The following DLGAP1 variants were observed in gnomAD, a reference collection of about 807,000 sequenced individuals.
DLGAP1 encodes DLG associated protein 1, also known as disks large-associated protein 1.
Under a neutral mutation model 90.8 loss-of-function variants are expected in DLGAP1, and 11 were observed. The observed-to-expected ratio is 0.12, with a 90% CI of 0.08 to 0.20. The LOEUF is 0.20. DLGAP1 is among the 10% of genes least tolerant of loss of function. The pLI, the probability that DLGAP1 is intolerant of heterozygous loss-of-function variation, is 1.00. For synonymous variants in DLGAP1, 558 were observed against 540.7 expected, an observed-to-expected ratio of 1.03 and a Z score of -0.44; for missense variants, 1,050 against 1,333.8, an observed-to-expected ratio of 0.79 and a Z score of 3.31.
At chr18:4,034,570 T>C (rs747703732) in intron 2 of DLGAP1, among the ~76,000 whole-genome samples, 23 of 152,174 alleles carry the variant, frequency 1.5e-4, no homozygotes, top group Non-Finnish European at 2.4e-4. Context: ...ATTACAGATT[T>C]TATAACCTTC....
At chr18:4,190,279 T>C (rs1263659694) in intron 1 of DLGAP1, among the ~76,000 whole-genome samples, 1 of 152,146 alleles carries the variant, frequency 6.6e-6, no homozygotes, top group Non-Finnish European at 1.5e-5. Flanking sequence ...CTACATGGTA[T>C]ATAATTTCAA....
rs561274319 is a variant in DLGAP1 at position 3,713,380 on chromosome 18, G to A, written c.1591+15755C>T. Among the ~76,000 whole-genome samples the A allele has an allele frequency of 3.9e-5, 6 of 152,356 alleles. No homozygotes were observed. The East Asian group carries it at 9.6e-4, about 24-fold the overall frequency. Reference sequence around the variant, plus strand: ...ACAAGGTCAATCCAAGATGGATGGCGTTGAAGGCCTGTGGACACATCGCTC... The same window carrying A: ...ACAAGGTCAATCCAAGATGGATGGCATTGAAGGCCTGTGGACACATCGCTC... On this transcript the variant is annotated intron_variant, in intron 7 of 12. Transcript: ENST00000315677.
chr18:3,661,819 C>A (rs28697094), intron 7 of DLGAP1, among the ~76,000 whole-genome samples: 1,848 of 151,922 alleles, frequency 0.012, 39 homozygotes, highest in African/African-American at 0.043. Context: ...TGAGCTCAGG[C>A]AATCCGCTCA....
chr18:4,083,987 G>T (rs937275011), intron 2 of DLGAP1, among the ~76,000 whole-genome samples: 8 of 152,134 alleles, frequency 5.3e-5, no homozygotes, highest in African/African-American at 1.7e-4. Flanking sequence ...TCACACGGGG[G>T]CTTGGAGAAT....
intron 2 of DLGAP1, among the ~76,000 whole-genome samples, chr18:4,037,852 C>T (rs772980340): frequency 6.6e-6 from 1 of 152,108 alleles, no homozygotes; most frequent in African/African-American, 2.4e-5. Context: ...CCCAGCTACT[C>T]GGGAGGCTGA....
At chr18:4,363,669 T>C (rs2081684102) in intron 1 of DLGAP1, among the ~76,000 whole-genome samples, 1 of 152,172 alleles carries the variant, frequency 6.6e-6, no homozygotes, top group South Asian at 2.1e-4. Flanking sequence ...TCACCATCAC[T>C]GGTCATCAGA....
intron 1 of DLGAP1, among the ~76,000 whole-genome samples, chr18:4,439,211 C>T (rs2083472369): frequency 6.6e-6 from 1 of 152,182 alleles, no homozygotes; most frequent in Non-Finnish European, 1.5e-5. Context: ...CCATGAGTTC[C>T]CTGTCATGGG....
intron 5 of DLGAP1, among the ~76,000 whole-genome samples, chr18:3,798,191 C>G (rs2066102563): frequency 6.6e-6 from 1 of 152,228 alleles, no homozygotes; most frequent in African/African-American, 2.4e-5. Flanking sequence ...AGGTAAAACA[C>G]TTAGTGTAAC....
intron 1 of DLGAP1, among the ~76,000 whole-genome samples, chr18:4,394,306 A>AT (rs2082397195): frequency 6.6e-6 from 1 of 152,206 alleles, no homozygotes; most frequent in African/African-American, 2.4e-5. Flanking sequence ...CAATTATCAA[A>AT]TGTCTACTGT....
intron 1 of DLGAP1, among the ~76,000 whole-genome samples, chr18:4,373,774 T>C (rs921472510): frequency 6.6e-6 from 1 of 152,080 alleles, no homozygotes; most frequent in African/African-American, 2.4e-5. Context: ...AAAGAAAGGG[T>C]CCTCCCTAGA....
chr18:4,352,667 T>C (rs1270129178), intron 1 of DLGAP1, among the ~76,000 whole-genome samples: 1 of 152,086 alleles, frequency 6.6e-6, no homozygotes, highest in Non-Finnish European at 1.5e-5. Flanking sequence ...ACGTTTCTGT[T>C]TGAATTAAGA....
At chr18:3,999,314 T>C (rs893009470) in intron 3 of DLGAP1, among the ~76,000 whole-genome samples, 1 of 152,152 alleles carries the variant, frequency 6.6e-6, no homozygotes, top group South Asian at 2.1e-4. Flanking sequence ...TATATGTATA[T>C]AACCTGGAGT....
chr18:4,010,185 TAC>T (rs2074388240), intron 2 of DLGAP1, among the ~76,000 whole-genome samples: 1 of 152,220 alleles, frequency 6.6e-6, no homozygotes, highest in South Asian at 2.1e-4. Context: ...CTTTGATTGC[TAC>T]ACAGTTTAGT....
At chr18:4,027,588 G>C (rs888457666) in intron 2 of DLGAP1, among the ~76,000 whole-genome samples, 6 of 149,188 alleles carry the variant, frequency 4.0e-5, no homozygotes, top group African/African-American at 1.5e-4. Flanking sequence ...CTTACCTAGT[G>C]AGCCCAGAGT....
At chr18:4,348,253 AGT>A (rs2081336697) in intron 1 of DLGAP1, among the ~76,000 whole-genome samples, 1 of 152,078 alleles carries the variant, frequency 6.6e-6, no homozygotes, top group South Asian at 2.1e-4. Context: ...TGATGCTGAG[AGT>A]GAAGTTTCTC....
At chr18:3,874,157 G>T in intron 4 of DLGAP1, 1 of 1,549,930 alleles carries the variant, frequency 6.5e-7, no homozygotes, top group South Asian at 1.2e-5. Context: ...CCCAAACCTG[G>T]TCAGTCCTTC....
intron 5 of DLGAP1, among the ~76,000 whole-genome samples, chr18:3,779,150 AT>A (rs1254664779): frequency 6.6e-6 from 1 of 152,126 alleles, no homozygotes; most frequent in Non-Finnish European, 1.5e-5. Context: ...CAGAGCCTAG[AT>A]CCTGGTAGAG....
chr18:3,518,314 C>T (rs940163180), intron 10 of DLGAP1, among the ~76,000 whole-genome samples: 4 of 152,232 alleles, frequency 2.6e-5, no homozygotes, highest in African/African-American at 4.8e-5. Flanking sequence ...TATATGGGCA[C>T]GGTTCATGGA....
chr18:3,965,940 C>CAAA (rs544643910), intron 3 of DLGAP1, among the ~76,000 whole-genome samples: 8,438 of 100,464 alleles, frequency 0.084, 617 homozygotes, highest in Middle Eastern at 0.19. Context: ...GACTCCATGT[C>CAAA]AAAAAAAAAA....
Sources: allele counts gnomAD v4.1 joint callset (sites outside exome capture counted in the v4.1 genomes callset), GRCh38; gene constraint gnomAD v4.1.1; transcripts MANE v1.5; gene names NCBI Gene and HGNC (gene_info 2026-07-23, HGNC 2026-07-21).